The following GRID1 variants were observed in gnomAD, a reference collection of about 807,000 sequenced individuals.
The protein encoded by GRID1 is glutamate receptor ionotropic, delta-1.
In GRID1, 28 loss-of-function variants were observed where a neutral mutation model predicts 98.0. That is an observed-to-expected ratio of 0.29 (90% CI 0.21 to 0.39). The LOEUF (loss-of-function observed/expected upper bound fraction) is 0.39. GRID1 is among the 10% of genes least tolerant of loss of function. GRID1 has a pLI of 1.00. For synonymous variants in GRID1, 553 were observed against 538.5 expected (o/e 1.03, Z -0.37); for missense variants, 1,111 against 1,340.5 (o/e 0.83, Z 2.67).
At chr10:86,278,085 T>G (rs561269921) in intron 2 of GRID1, among the ~76,000 whole-genome samples, 1 of 152,126 alleles carries the variant, frequency 6.6e-6, no homozygotes, top group Non-Finnish European at 1.5e-5. Context: ...ACTTTAAATG[T>G]AAATGGGTTA....
At chr10:86,213,608 T>C (rs1321605710) in intron 2 of GRID1, among the ~76,000 whole-genome samples, 2 of 152,062 alleles carry the variant, frequency 1.3e-5, no homozygotes, top group African/African-American at 2.4e-5. Context: ...AGATCCATCA[T>C]GTATACCCTC....
chr10:85,862,897 G>A (rs540140835), intron 6 of GRID1, among the ~76,000 whole-genome samples: 4 of 152,172 alleles, frequency 2.6e-5, no homozygotes, highest in South Asian at 2.1e-4. Context: ...AGGGAGGGCA[G>A]GGAAGCAAGC....
At chr10:86,237,398 G>C (rs1048442660) in intron 2 of GRID1, among the ~76,000 whole-genome samples, 1 of 152,180 alleles carries the variant, frequency 6.6e-6, no homozygotes, top group African/African-American at 2.4e-5. Context: ...AGATCGGGTT[G>C]TTTAAAAGCA....
At chr10:85,621,830 T>A (rs1590163328) in intron 13 of GRID1, among the ~76,000 whole-genome samples, 3 of 152,116 alleles carry the variant, frequency 2.0e-5, no homozygotes, top group Non-Finnish European at 4.4e-5. Flanking sequence ...AAGATAGACA[T>A]TTTCAACCTC....
At chr10:85,764,406 A>G (rs1842177210) in intron 8 of GRID1, among the ~76,000 whole-genome samples, 2 of 152,210 alleles carry the variant, frequency 1.3e-5, no homozygotes, top group South Asian at 4.1e-4. Flanking sequence ...TAGCATTCAC[A>G]AGTCCTCAGT....
intron 4 of GRID1, among the ~76,000 whole-genome samples, chr10:86,083,829 C>T (rs1844011792): frequency 6.6e-6 from 1 of 152,222 alleles, no homozygotes. Flanking sequence ...ATCCAGTGCA[C>T]ACCAAACTCC....
intron 4 of GRID1, among the ~76,000 whole-genome samples, chr10:86,041,957 C>T (rs148314960): frequency 6.6e-6 from 1 of 152,268 alleles, no homozygotes; most frequent in African/African-American, 2.4e-5. Flanking sequence ...GTGAACCTTC[C>T]TATCTTGCTG....
At chr10:86,289,211 A>G (rs1221675723) in intron 2 of GRID1, among the ~76,000 whole-genome samples, 6 of 152,186 alleles carry the variant, frequency 3.9e-5, no homozygotes, top group Non-Finnish European at 7.3e-5. Flanking sequence ...ATGAAGACCA[A>G]TTAATGCCCA....
At chr10:86,129,511 C>T (rs1170742122) in intron 4 of GRID1, among the ~76,000 whole-genome samples, 2 of 152,192 alleles carry the variant, frequency 1.3e-5, no homozygotes, top group African/African-American at 4.8e-5. Flanking sequence ...TCTCTTCCAG[C>T]ATTGTTGAGA....
At position 85,613,514 on chromosome 10, in the gene GRID1, C is replaced by T. The variant is rs150878754; in HGVS notation, c.2494G>A (p.Ala832Thr). 3.9e-4 allele frequency: 636 copies of T among 1,614,174 alleles called. 3 individuals are homozygous for T. In the East Asian group the frequency reaches 4.7e-3, roughly 12 times the overall value. ...ATGGCCAGGATGCAGAAGACCCCGGCGAAGCTGTGCAGCTTGAGGGATTTG... is the reference window on the plus strand; with the variant it reads ...ATGGCCAGGATGCAGAAGACCCCGGTGAAGCTGTGCAGCTTGAGGGATTTG... ...DGKSLKLHSF[A>T]GVFCILAIGL... The change falls in exon 15 of 16, where the codon GCC (alanine) becomes ACC (threonine). Residue 832 changes from alanine (A) to threonine (T), a missense_variant. Ala to Thr is a moderately conservative substitution (Grantham distance 58). Transcript: ENST00000327946.
intron 2 of GRID1, among the ~76,000 whole-genome samples, chr10:86,287,035 C>T (rs1847441026): frequency 6.6e-6 from 1 of 152,134 alleles, no homozygotes; most frequent in African/African-American, 2.4e-5. Flanking sequence ...CCAGGCAGTT[C>T]CGTAGGGACT....
At chr10:85,759,036 G>A (rs1353663075) in intron 8 of GRID1, among the ~76,000 whole-genome samples, 2 of 152,210 alleles carry the variant, frequency 1.3e-5, no homozygotes, top group African/African-American at 4.8e-5. Context: ...TTTGTAAAGT[G>A]TTTAAAACCA....
chr10:85,903,675 TGACCTG>T (rs1288000224), intron 5 of GRID1, among the ~76,000 whole-genome samples: 1 of 152,210 alleles, frequency 6.6e-6, no homozygotes, highest in Non-Finnish European at 1.5e-5. Context: ...AAGTTCTACA[TGACCTG>T]GCCTCCTGCC....
At chr10:86,126,858 G>C (rs1264707946) in intron 4 of GRID1, among the ~76,000 whole-genome samples, 1 of 152,184 alleles carries the variant, frequency 6.6e-6, no homozygotes, top group African/African-American at 2.4e-5. Flanking sequence ...TTTCCCCCAG[G>C]TGCCTGCAGC....
chr10:86,199,730 A>AC (rs1269895310), intron 3 of GRID1, among the ~76,000 whole-genome samples: 1 of 152,072 alleles, frequency 6.6e-6, no homozygotes, highest in Non-Finnish European at 1.5e-5. Flanking sequence ...TTCGGGTCCT[A>AC]CCTCTAGCTT....
At chr10:86,334,407 A>T (rs1409901749) in intron 2 of GRID1, among the ~76,000 whole-genome samples, 1 of 152,060 alleles carries the variant, frequency 6.6e-6, no homozygotes, top group Non-Finnish European at 1.5e-5. Flanking sequence ...TCTGGCACAG[A>T]AAGCAGATCC....
chr10:85,867,644 G>C (rs771301434), intron 6 of GRID1, among the ~76,000 whole-genome samples: 7 of 152,244 alleles, frequency 4.6e-5, no homozygotes, highest in Non-Finnish European at 1.0e-4. Flanking sequence ...GCATCTCAAC[G>C]TAAACTCTTG....
chr10:85,970,646 A>C (rs549179978), intron 4 of GRID1, among the ~76,000 whole-genome samples: 6 of 152,128 alleles, frequency 3.9e-5, no homozygotes, highest in Admixed American at 3.9e-4. Flanking sequence ...CAACAACAAC[A>C]CTCAACGAAT....
intron 2 of GRID1, among the ~76,000 whole-genome samples, chr10:86,299,813 A>C (rs1249142128): frequency 6.6e-6 from 1 of 152,080 alleles, no homozygotes; most frequent in Non-Finnish European, 1.5e-5. Flanking sequence ...GGGCCACCAA[A>C]CTGCAAATGG....
Sources: gnomAD v4.1 joint callset for allele counts (sites outside exome capture counted in the v4.1 genomes callset) on GRCh38, gnomAD v4.1.1 for gene constraint, MANE v1.5 for transcripts, NCBI Gene and HGNC (gene_info 2026-07-23, HGNC 2026-07-21) for gene names.